The following FER1L6 variants were observed in gnomAD, a reference collection of about 807,000 sequenced individuals.
The protein encoded by FER1L6 is fer-1 like family member 6, also known as fer-1-like protein 6.
In FER1L6, 177 loss-of-function variants were observed where a neutral mutation model predicts 219.2. The ratio of observed to expected loss-of-function variants is 0.81; its 90% CI spans 0.71 to 0.91. The LOEUF is 0.91. Ranked by LOEUF, FER1L6 falls within the 40% of genes least tolerant of loss-of-function variation. FER1L6 has a pLI of 0.00. For synonymous variants in FER1L6, 768 were observed against 824.3 expected (o/e 0.93, Z 1.17); for missense variants, 2,153 against 2,259.9 (o/e 0.95, Z 0.96).
At chr8:123,900,912 T>G (rs1167249313) in intron 1 of FER1L6, among the ~76,000 whole-genome samples, 1 of 152,212 alleles carries the variant, frequency 6.6e-6, no homozygotes, top group African/African-American at 2.4e-5. Flanking sequence ...GCTAGTATTT[T>G]GTTAAGGATT....
chr8:124,015,685 C>T (rs967988935), intron 15 of FER1L6, among the ~76,000 whole-genome samples: 34 of 144,694 alleles, frequency 2.3e-4, no homozygotes, highest in Admixed American at 2.3e-3. Flanking sequence ...CTTCACAATC[C>T]ACACTTTTAG....
At chr8:124,106,951 T>C (rs34421992) in intron 39 of FER1L6, among the ~76,000 whole-genome samples, 95,186 of 129,608 alleles carry the variant, frequency 0.73, 33,579 homozygotes, top group Non-Finnish European at 0.77. Flanking sequence ...TTTCTTTTTT[T>C]TTTTTTTTTT....
At chr8:124,091,044 G>C (rs1386917681) in intron 33 of FER1L6, among the ~76,000 whole-genome samples, 1 of 152,192 alleles carries the variant, frequency 6.6e-6, no homozygotes, top group Non-Finnish European at 1.5e-5. Flanking sequence ...TCTGGGTACA[G>C]GGTTTTCTTT....
chr8:123,882,182 T>A (rs1817121350), intron 1 of FER1L6, among the ~76,000 whole-genome samples: 1 of 103,212 alleles, frequency 9.7e-6, no homozygotes, highest in Admixed American at 9.1e-5. Context: ...CAAAACCACA[T>A]TTTTTTTTTT....
intron 20 of FER1L6, 121 bp downstream of exon 20, chr8:124,040,127 T>C: frequency 7.6e-7 from 1 of 1,318,778 alleles, no homozygotes; most frequent in South Asian, 1.3e-5. Context: ...GGTGTGTAGA[T>C]GTTTCAGACT....
At chr8:123,955,546 G>A (rs1222592181) in intron 1 of FER1L6, among the ~76,000 whole-genome samples, 1 of 152,214 alleles carries the variant, frequency 6.6e-6, no homozygotes, top group East Asian at 1.9e-4. Flanking sequence ...GGGATCCAGT[G>A]GTAGCTCTGA....
At chr8:124,077,918 A>C (rs986532827) in intron 32 of FER1L6, among the ~76,000 whole-genome samples, 1 of 152,194 alleles carries the variant, frequency 6.6e-6, no homozygotes, top group African/African-American at 2.4e-5. Flanking sequence ...ATCCTTCCTC[A>C]TAACTTCAGT....
At chr8:124,102,264 G>A (rs373950365) in intron 38 of FER1L6, among the ~76,000 whole-genome samples, 6 of 152,208 alleles carry the variant, frequency 3.9e-5, no homozygotes, top group South Asian at 2.1e-4. Flanking sequence ...TGGTTGGGGG[G>A]CTTAAAATTT....
chr8:124,077,200 T>C (rs1821330610), intron 32 of FER1L6, among the ~76,000 whole-genome samples: 1 of 152,216 alleles, frequency 6.6e-6, no homozygotes, highest in African/African-American at 2.4e-5. Flanking sequence ...CACCTGACTC[T>C]CATATTCCTT....
intron 8 of FER1L6, 98 bp from the exon 9 acceptor site, chr8:123,975,800 T>C: frequency 1.1e-6 from 1 of 947,440 alleles, no homozygotes. Flanking sequence ...ATTTGTCTTA[T>C]ATTGGGATCT....
intron 6 of FER1L6, among the ~76,000 whole-genome samples, chr8:123,973,078 CTTTCAG>C (rs1449814421): frequency 6.6e-6 from 1 of 152,172 alleles, no homozygotes; most frequent in Non-Finnish European, 1.5e-5. Flanking sequence ...AAAAGGAACA[CTTTCAG>C]TTTGGGGGGA....
At chr8:124,090,233 C>T (rs1017467049) in intron 33 of FER1L6, among the ~76,000 whole-genome samples, 2 of 152,236 alleles carry the variant, frequency 1.3e-5, no homozygotes, top group African/African-American at 4.8e-5. Context: ...GTCTATTCTT[C>T]CCTAAGCCTA....
At chr8:124,103,413 C>T in intron 39 of FER1L6, 104 bp downstream of exon 39, 1 of 1,137,708 alleles carries the variant, frequency 8.8e-7, no homozygotes. Flanking sequence ...CTTGAAATGA[C>T]ATGAACCCTT....
At chr8:123,977,679 G>A (rs1816150334) in intron 10 of FER1L6, 70 bp downstream of exon 10, 5 of 1,443,528 alleles carry the variant, frequency 3.5e-6, no homozygotes, top group Non-Finnish European at 3.8e-6. Context: ...TCTTTAAAAG[G>A]GGTGGGCTAG....
At chr8:123,916,901 C>A (rs1563684140) in intron 1 of FER1L6, among the ~76,000 whole-genome samples, 3 of 152,066 alleles carry the variant, frequency 2.0e-5, no homozygotes, top group Admixed American at 6.6e-5. Flanking sequence ...AGGTTGATAC[C>A]CATGCCATTG....
chr8:123,994,339 G>A (rs1437735539), intron 12 of FER1L6, among the ~76,000 whole-genome samples: 1 of 152,182 alleles, frequency 6.6e-6, no homozygotes, highest in Non-Finnish European at 1.5e-5. Flanking sequence ...TGCAGGGCAA[G>A]CAGCAGCTCA....
chr8:124,085,727 T>TATCA (rs1821757271), intron 33 of FER1L6, among the ~76,000 whole-genome samples: 1 of 151,876 alleles, frequency 6.6e-6, no homozygotes, highest in Non-Finnish European at 1.5e-5. Context: ...TGTAAACATC[T>TATCA]ATCAGGTCCA....
intron 1 of FER1L6, among the ~76,000 whole-genome samples, chr8:123,893,189 G>A (rs975176235): frequency 3.3e-5 from 5 of 152,082 alleles, no homozygotes; most frequent in African/African-American, 1.2e-4. Flanking sequence ...AATCAGCTAC[G>A]GTCCAGAGCT....
At chr8:124,072,722 G>C (rs963058171) in intron 31 of FER1L6, among the ~76,000 whole-genome samples, 1 of 152,162 alleles carries the variant, frequency 6.6e-6, no homozygotes, top group Non-Finnish European at 1.5e-5. Context: ...CTGCCTTCAG[G>C]GAAGTCACAG....
Sources: gnomAD v4.1 joint callset for allele counts (sites outside exome capture counted in the v4.1 genomes callset) on GRCh38, gnomAD v4.1.1 for gene constraint, MANE v1.5 for transcripts, NCBI Gene and HGNC (gene_info 2026-07-23, HGNC 2026-07-21) for gene names.